Variants in RUNDC3B observed in about 807,000 individuals in gnomAD.
The protein encoded by RUNDC3B is RUN domain containing 3B, also known as RUN domain-containing protein 3B.
Under a neutral mutation model 58.4 loss-of-function variants are expected in RUNDC3B, and 33 were observed. The observed-to-expected ratio is 0.56, with a 90% confidence interval of 0.43 to 0.75. RUNDC3B has a LOEUF of 0.75. RUNDC3B is among the 30% of genes least tolerant of loss of function. RUNDC3B has a pLI of 0.00. For synonymous variants in RUNDC3B, 193 were observed against 195.2 expected (o/e 0.99, Z 0.10); for missense variants, 501 against 535.7 (o/e 0.94, Z 0.64).
At chr7:87,826,012 T>C (rs1348078474) in intron 10 of RUNDC3B, among the ~76,000 whole-genome samples, 1 of 152,180 alleles carries the variant, frequency 6.6e-6, no homozygotes, top group African/African-American at 2.4e-5. Context: ...GACATTGGAC[T>C]GTGGACTTTT....
rs1052727696 is a variant in RUNDC3B at position 87,777,702 on chromosome 7, A to G, written c.799-96A>G. 2.0e-5 allele frequency: 18 copies of G among 915,374 alleles called. 1 individual carries two copies. The South Asian group carries it at 3.0e-4, about 15-fold the overall frequency. 56.7% of individuals were successfully genotyped at this position (915,374 alleles called of 1,614,324 possible). The stretch of plus-strand genomic sequence containing the variant: ...TGCTTTGAAATTGTTTCATTACAAT[A>G]TAAATAGGAATAGCATTTAAGCTAC... On this transcript the variant is annotated intron_variant, in intron 7 of 10. Transcript: ENST00000394654.
At chr7:87,700,904 T>C (rs1828975930) in intron 3 of RUNDC3B, among the ~76,000 whole-genome samples, 1 of 152,238 alleles carries the variant, frequency 6.6e-6, no homozygotes, top group Non-Finnish European at 1.5e-5. Context: ...TAGCACGAAT[T>C]AATGCAGTGA....
At chr7:87,715,422 T>A (rs1451668943) in intron 4 of RUNDC3B, among the ~76,000 whole-genome samples, 3 of 129,508 alleles carry the variant, frequency 2.3e-5, no homozygotes. Flanking sequence ...ATAATATATT[T>A]AATATATAAT....
intron 2 of RUNDC3B, among the ~76,000 whole-genome samples, chr7:87,672,561 C>T (rs1825933634): frequency 6.6e-6 from 1 of 152,190 alleles, no homozygotes; most frequent in Admixed American, 6.5e-5. Context: ...GGGGTCCAGC[C>T]TTCCACTTTG....
At chr7:87,642,283 G>A (rs185328726) in intron 1 of RUNDC3B, among the ~76,000 whole-genome samples, 153 of 152,056 alleles carry the variant, frequency 1.0e-3, no homozygotes, top group African/African-American at 3.6e-3. Flanking sequence ...TTTCATTTTC[G>A]TAGCATTCTA....
intron 10 of RUNDC3B, among the ~76,000 whole-genome samples, chr7:87,822,192 C>G (rs1442893962): frequency 6.6e-6 from 1 of 151,960 alleles, no homozygotes; most frequent in East Asian, 1.9e-4. Context: ...AACAAATTTA[C>G]AAGAAAAAAA....
intron 2 of RUNDC3B, among the ~76,000 whole-genome samples, chr7:87,673,576 C>G (rs1826039880): frequency 6.6e-6 from 1 of 152,202 alleles, no homozygotes; most frequent in African/African-American, 2.4e-5. Flanking sequence ...TTGCTTCTTT[C>G]TTAAAATGGC....
intron 8 of RUNDC3B, among the ~76,000 whole-genome samples, chr7:87,798,530 T>G (rs1031873414): frequency 6.6e-6 from 1 of 152,218 alleles, no homozygotes; most frequent in African/African-American, 2.4e-5. Context: ...TGTGTCCTTC[T>G]AATATGAACC....
At chr7:87,637,426 A>C (rs1821890714) in intron 1 of RUNDC3B, among the ~76,000 whole-genome samples, 1 of 152,162 alleles carries the variant, frequency 6.6e-6, no homozygotes, top group Non-Finnish European at 1.5e-5. Context: ...AAATTTTAGA[A>C]TCAACTTGTC....
intron 2 of RUNDC3B, among the ~76,000 whole-genome samples, chr7:87,676,800 C>G (rs143686310): frequency 2.6e-5 from 4 of 151,406 alleles, no homozygotes; most frequent in Non-Finnish European, 5.9e-5. Flanking sequence ...CACTCATATT[C>G]CCTTCCACTA....
intron 2 of RUNDC3B, among the ~76,000 whole-genome samples, chr7:87,692,684 G>A (rs1428510105): frequency 6.6e-6 from 1 of 152,108 alleles, no homozygotes; most frequent in East Asian, 1.9e-4. Context: ...AGAGAACTTT[G>A]TTTTAGGACA....
At chr7:87,669,585 A>T (rs577096204) in intron 2 of RUNDC3B, among the ~76,000 whole-genome samples, 19 of 152,280 alleles carry the variant, frequency 1.2e-4, no homozygotes, top group East Asian at 5.8e-4. Flanking sequence ...TGTGTGTTTA[A>T]GCATGTTTTT....
intron 2 of RUNDC3B, among the ~76,000 whole-genome samples, chr7:87,663,002 G>A (rs556879781): frequency 2.0e-5 from 3 of 151,800 alleles, no homozygotes; most frequent in Admixed American, 1.3e-4. Flanking sequence ...TTTACTTATA[G>A]CAATTATAAA....
intron 8 of RUNDC3B, among the ~76,000 whole-genome samples, chr7:87,787,101 T>C (rs1835261764): frequency 6.6e-6 from 1 of 152,168 alleles, no homozygotes; most frequent in African/African-American, 2.4e-5. Context: ...AAAACCACTT[T>C]CAAGGATACT....
At chr7:87,818,926 C>T (rs1379644347) in intron 10 of RUNDC3B, among the ~76,000 whole-genome samples, 1 of 151,494 alleles carries the variant, frequency 6.6e-6, no homozygotes, top group African/African-American at 2.4e-5. Context: ...AACAAACAAA[C>T]AACAACAACA....
chr7:87,765,089 A>G (rs1194833591), intron 6 of RUNDC3B, among the ~76,000 whole-genome samples: 1 of 151,846 alleles, frequency 6.6e-6, no homozygotes, highest in Non-Finnish European at 1.5e-5. Flanking sequence ...GCACATAAAG[A>G]GGCTCATAAA....
Position 87,656,812 on chromosome 7 carries a change from A to T in RUNDC3B, c.238+5875A>T, listed in dbSNP as rs1366639771. Among the ~76,000 whole-genome samples, 7 of 152,182 alleles carry T rather than the reference A, an allele frequency of 4.6e-5. No individual in the cohort carries two copies. In the East Asian group the frequency reaches 1.3e-3, roughly 29 times the overall value. On this transcript the variant is annotated intron_variant, in intron 2 of 10. Coordinates refer to ENST00000394654, the MANE Select transcript of RUNDC3B (RefSeq NM_001134405.2). Reference sequence around the variant, plus strand: ...TATTTATCCATCACTAAGCTACTTAAATTTCAAGTTACTCATTCAAAAACA... The same window carrying T: ...TATTTATCCATCACTAAGCTACTTATATTTCAAGTTACTCATTCAAAAACA...
intron 2 of RUNDC3B, among the ~76,000 whole-genome samples, chr7:87,668,824 C>G (rs1825535701): frequency 6.6e-6 from 1 of 152,054 alleles, no homozygotes; most frequent in Non-Finnish European, 1.5e-5. Flanking sequence ...ATTTTTATTG[C>G]TCTGTGATCC....
In RUNDC3B at chr7:87,674,505, C is replaced by T. The variant is rs201366121; in HGVS notation, c.238+23568C>T. Among the ~76,000 whole-genome samples the T allele has an allele frequency of 2.2e-4, 34 of 152,140 alleles. No homozygotes were observed. The East Asian group carries it at 6.4e-3, about 29-fold the overall frequency. On this transcript the variant is annotated intron_variant, in intron 2 of 10. Transcript: ENST00000394654. ...GTCAGGGTGCACACACATACATGTA[C>T]CAGCATGGGATGGGAGAGGAGGGTG...
Sources: allele counts gnomAD v4.1 joint callset (sites outside exome capture counted in the v4.1 genomes callset), GRCh38; gene constraint gnomAD v4.1.1; transcripts MANE v1.5; gene names NCBI Gene and HGNC (gene_info 2026-07-23, HGNC 2026-07-21).